Variants in DPP6 observed in about 807,000 individuals in gnomAD.
DPP6 encodes A-type potassium channel modulatory protein DPP6.
Under a neutral mutation model 122.6 loss-of-function variants are expected in DPP6, and 69 were observed. That is an observed-to-expected ratio of 0.56 (90% confidence interval 0.46 to 0.69). DPP6 has a LOEUF of 0.69. DPP6 is among the 30% of genes least tolerant of loss of function. The pLI is 0.00. For synonymous variants in DPP6, 418 were observed against 433.1 expected (o/e 0.97, Z 0.43); for missense variants, 928 against 1,116.9 (o/e 0.83, Z 2.41).
chr7:153,896,046 C>T (rs1219883373), intron 1 of DPP6, among the ~76,000 whole-genome samples: 1 of 152,232 alleles, frequency 6.6e-6, no homozygotes, highest in Non-Finnish European at 1.5e-5. Context: ...TGCACTGGGT[C>T]TCACTACGAG....
chr7:154,249,760 C>A (rs1802231910), intron 1 of DPP6, among the ~76,000 whole-genome samples: 1 of 152,126 alleles, frequency 6.6e-6, no homozygotes, highest in African/African-American at 2.4e-5. Context: ...TGCACACAAT[C>A]TTGCATATGA....
At chr7:154,215,190 C>T (rs893182565) in intron 1 of DPP6, among the ~76,000 whole-genome samples, 3 of 152,094 alleles carry the variant, frequency 2.0e-5, no homozygotes, top group Non-Finnish European at 2.9e-5. Context: ...AAAGGGGAAG[C>T]GAGGCATGTT....
chr7:154,556,805 G>A (rs1830076735), intron 4 of DPP6, among the ~76,000 whole-genome samples: 1 of 152,038 alleles, frequency 6.6e-6, no homozygotes, highest in Non-Finnish European at 1.5e-5. Context: ...AGCACAAAAA[G>A]ACAAATAAAT....
At chr7:154,281,700 G>C (rs1804526651) in intron 1 of DPP6, among the ~76,000 whole-genome samples, 1 of 152,186 alleles carries the variant, frequency 6.6e-6, no homozygotes. Context: ...TAAGATCTCT[G>C]GTGTGCAATT....
chr7:154,695,923 C>T (rs1840189948), intron 7 of DPP6, among the ~76,000 whole-genome samples: 1 of 152,166 alleles, frequency 6.6e-6, no homozygotes, highest in Admixed American at 6.5e-5. Context: ...GAGACACCTC[C>T]CCGAAAGCCA....
rs145529669 is a variant in DPP6 at position 154,769,323 on chromosome 7, G to A, written c.884-94G>A. On this transcript the variant is annotated intron_variant, in intron 8 of 25. Coordinates refer to ENST00000377770, the MANE Select transcript of DPP6 (RefSeq NM_130797.4). ...CAGATAAGGGGCTCTGCAGGGACTC[G>A]TTTCTTTCCTGGCCACCTCATGTTC... The A allele has an allele frequency of 1.2e-3, 1,907 of 1,552,772 alleles. 14 individuals carry two copies. The highest frequency in any genetic ancestry group is 9.1e-3 in the South Asian group (780 of 86,078).
intron 1 of DPP6, among the ~76,000 whole-genome samples, chr7:153,987,945 G>C (rs750337400): frequency 6.6e-6 from 1 of 152,110 alleles, no homozygotes; most frequent in Non-Finnish European, 1.5e-5. Context: ...GGTCAGCTTG[G>C]AGGAGGGGAA....
intron 1 of DPP6, among the ~76,000 whole-genome samples, chr7:154,039,376 C>G (rs1799656917): frequency 1.5e-5 from 2 of 134,030 alleles, no homozygotes; most frequent in Middle Eastern, 3.7e-3. Context: ...TTCCTGTTCT[C>G]CAAGAAGACA....
At chr7:154,808,552 T>C (rs1798840459) in intron 16 of DPP6, among the ~76,000 whole-genome samples, 1 of 152,078 alleles carries the variant, frequency 6.6e-6, no homozygotes, top group African/African-American at 2.4e-5. Context: ...ACTTCATGTA[T>C]CAGATGGCAA....
intron 10 of DPP6, among the ~76,000 whole-genome samples, chr7:154,773,391 C>A (rs1365907373): frequency 2.0e-5 from 3 of 152,178 alleles, no homozygotes; most frequent in Non-Finnish European, 4.4e-5. Context: ...AGGTCGCAAC[C>A]CTGTGGAAGG....
At chr7:154,028,832 CCT>C (rs1261666674) in intron 1 of DPP6, among the ~76,000 whole-genome samples, 1 of 152,076 alleles carries the variant, frequency 6.6e-6, no homozygotes, top group African/African-American at 2.4e-5. Context: ...GCCTCTGACC[CCT>C]GACACTGTGT....
At chr7:154,135,338 C>T (rs1460936205) in intron 1 of DPP6, among the ~76,000 whole-genome samples, 5 of 151,858 alleles carry the variant, frequency 3.3e-5, no homozygotes, top group African/African-American at 4.8e-5. Context: ...GCCCACACTT[C>T]CTGTGAGCTC....
In DPP6 at chr7:154,760,768, G is replaced by T. The variant is rs1328437536; in HGVS notation, c.884-8649G>T. Among the ~76,000 whole-genome samples, 2 of 151,756 alleles carry T rather than the reference G, an allele frequency of 1.3e-5. No individual in the cohort carries two copies. Among genetic ancestry groups the T allele is most frequent in the East Asian group, 3.9e-4 (2 of 5,180 alleles). ...GCCCACAACACAAATGAAGAGGAAA[G>T]AGAGAAGACAAAACAAAAAGAAGGG... On this transcript the variant is annotated intron_variant, in intron 8 of 25. Coordinates refer to ENST00000377770, the MANE Select transcript of DPP6 (RefSeq NM_130797.4). The surrounding 1 kb of genome is among the most constrained non-coding windows in gnomAD (Gnocchi z 4.5).
At chr7:153,850,077 C>T in the DPP6 span, among the ~76,000 whole-genome samples, 25 of 152,164 alleles carry the variant, frequency 1.6e-4, 1 homozygote, top group Admixed American at 9.8e-4. Flanking sequence ...TACCTGTTGC[C>T]GTATAATAAT....
intron 1 of DPP6, among the ~76,000 whole-genome samples, chr7:154,002,697 T>A (rs1797741107): frequency 6.6e-6 from 1 of 152,150 alleles, no homozygotes; most frequent in Non-Finnish European, 1.5e-5. Flanking sequence ...CTGAGGTCAG[T>A]CCATGACGTC....
At chr7:154,111,620 CGTGT>C (rs71309604) in intron 1 of DPP6, among the ~76,000 whole-genome samples, 2,401 of 134,940 alleles carry the variant, frequency 0.018, 65 homozygotes, top group African/African-American at 0.057. Context: ...GGCAGGGTTT[CGTGT>C]GTGTGTGTGT....
intron 1 of DPP6, among the ~76,000 whole-genome samples, chr7:154,389,965 C>A (rs907888153): frequency 6.6e-6 from 1 of 152,208 alleles, no homozygotes; most frequent in East Asian, 1.9e-4. Context: ...TTGCAATGTT[C>A]AATTCTAAAG....
the DPP6 span, among the ~76,000 whole-genome samples, chr7:153,850,544 G>T: frequency 6.6e-5 from 10 of 152,124 alleles, no homozygotes; most frequent in Admixed American, 2.0e-4. Context: ...CAAGGAGAAG[G>T]TATATTAGTC....
At chr7:154,766,950 G>A (rs887494127) in intron 8 of DPP6, among the ~76,000 whole-genome samples, 1 of 152,216 alleles carries the variant, frequency 6.6e-6, no homozygotes, top group Non-Finnish European at 1.5e-5. Context: ...CTACGGGGTA[G>A]GAATGAAAGT....
Sources: allele counts gnomAD v4.1 joint callset (sites outside exome capture counted in the v4.1 genomes callset), GRCh38; gene constraint gnomAD v4.1.1; non-coding constraint Gnocchi (gnomAD v3.1); transcripts MANE v1.5; gene names NCBI Gene and HGNC (gene_info 2026-07-23, HGNC 2026-07-21).